NRXN1: variants seen among roughly 807,000 people sequenced by gnomAD.
The protein encoded by NRXN1 is neurexin-1.
NRXN1 carries 39 observed loss-of-function variants against 150.9 expected under a neutral mutation model. The ratio of observed to expected loss-of-function variants is 0.26; its 90% CI spans 0.20 to 0.34. The LOEUF (loss-of-function observed/expected upper bound fraction) is 0.34. Among genes scored for constraint, NRXN1 ranks in the 10% least tolerant of loss-of-function variants. The pLI, the probability that NRXN1 is intolerant of heterozygous loss-of-function variation, is 1.00. For synonymous variants in NRXN1, 924 were observed against 757.0 expected (o/e 1.22, Z -3.62); for missense variants, 1,815 against 1,949.9 (o/e 0.93, Z 1.30).
intron 5 of NRXN1, among the ~76,000 whole-genome samples, chr2:50,899,911 T>A (rs923851824): frequency 4.6e-5 from 7 of 152,188 alleles, no homozygotes; most frequent in African/African-American, 1.7e-4. Flanking sequence ...TACAGCAGTT[T>A]ATTAGACGTC....
At chr2:50,113,574 C>T (rs768254652) in intron 18 of NRXN1, among the ~76,000 whole-genome samples, 1 of 152,174 alleles carries the variant, frequency 6.6e-6, no homozygotes, top group Non-Finnish European at 1.5e-5. Context: ...ACATCTGTTC[C>T]ATAATCTAAT....
intron 15 of NRXN1, among the ~76,000 whole-genome samples, chr2:50,474,508 G>A (rs961821968): frequency 2.0e-5 from 3 of 151,534 alleles, no homozygotes; most frequent in Admixed American, 1.3e-4. Context: ...AAGGAGTAAT[G>A]CAAACCTCTG....
At chr2:50,020,701 G>C (rs1213524745) in intron 21 of NRXN1, among the ~76,000 whole-genome samples, 1 of 152,166 alleles carries the variant, frequency 6.6e-6, no homozygotes, top group African/African-American at 2.4e-5. Context: ...GGTAGAGCTA[G>C]CCTGTGTTGG....
intron 5 of NRXN1, among the ~76,000 whole-genome samples, chr2:50,763,678 G>A (rs1167006611): frequency 6.6e-6 from 1 of 151,832 alleles, no homozygotes; most frequent in African/African-American, 2.4e-5. Context: ...TTTCTAGCAC[G>A]TGGCAGAGTA....
chr2:50,365,116 TTTC>T (rs1421757006), intron 17 of NRXN1, among the ~76,000 whole-genome samples: 1 of 152,126 alleles, frequency 6.6e-6, no homozygotes, highest in African/African-American at 2.4e-5. Context: ...AAGCTTTTTT[TTTC>T]TTTTTTTCAG....
chr2:50,865,580 ATGTGTGTGTGTGTG>A (rs112867077), intron 5 of NRXN1, among the ~76,000 whole-genome samples: 19 of 130,774 alleles, frequency 1.5e-4, no homozygotes, highest in South Asian at 5.2e-4. Flanking sequence ...AAATATATAA[ATGTGTGTGTGTGTG>A]TGTGTGTGTG....
At chr2:50,313,821 C>G (rs1320771041) in intron 17 of NRXN1, among the ~76,000 whole-genome samples, 4 of 152,028 alleles carry the variant, frequency 2.6e-5, no homozygotes, top group Non-Finnish European at 5.9e-5. Flanking sequence ...AGACAAATGT[C>G]TCGTGTTTTC....
At chr2:50,453,081 T>A (rs1573030304) in intron 17 of NRXN1, among the ~76,000 whole-genome samples, 1 of 152,332 alleles carries the variant, frequency 6.6e-6, no homozygotes, top group East Asian at 1.9e-4. Context: ...TGCCATGATG[T>A]TCTATTTACA....
chr2:50,153,025 T>A lies in NRXN1; in HGVS notation c.3547-61531A>T, dbSNP rs149547116. ...TTACTTTTCTCCAATCATTTTTTAC[T>A]TTCTGTTCCTCAGACTCAGTAATTT... On this transcript the variant is annotated intron_variant, in intron 18 of 22. Transcript: ENST00000401669. 8.9e-4 allele frequency among the ~76,000 whole-genome samples: 135 copies of A among 151,858 alleles called. 1 individual carries two copies. The highest frequency in any genetic ancestry group is 3.2e-3 in the African/African-American group (131 of 41,510).
intron 11 of NRXN1, 177 bp from the exon 12 acceptor site, chr2:50,528,828 A>T (rs1053765842): frequency 2.0e-6 from 1 of 497,994 alleles, no homozygotes. Context: ...AAAGTTTACC[A>T]TTGGAAACAA....
intron 21 of NRXN1, among the ~76,000 whole-genome samples, chr2:49,950,697 C>T (rs1673779442): frequency 6.6e-6 from 1 of 151,914 alleles, no homozygotes. Flanking sequence ...ATTTACAATT[C>T]ACCAATAGCA....
At chr2:50,262,237 ATTCT>A (rs1348669127) in intron 17 of NRXN1, among the ~76,000 whole-genome samples, 2 of 151,934 alleles carry the variant, frequency 1.3e-5, no homozygotes, top group Non-Finnish European at 2.9e-5. Flanking sequence ...TTGCCTAGCA[ATTCT>A]TTCTATGATT....
chr2:50,139,609 A>C (rs961871274), intron 18 of NRXN1, among the ~76,000 whole-genome samples: 18 of 152,154 alleles, frequency 1.2e-4, no homozygotes, highest in African/African-American at 4.1e-4. Flanking sequence ...GAAAAAACAA[A>C]ACAAAACAAA....
At chr2:50,689,650 C>A (rs1002247263) in intron 5 of NRXN1, among the ~76,000 whole-genome samples, 2 of 152,112 alleles carry the variant, frequency 1.3e-5, no homozygotes, top group Non-Finnish European at 2.9e-5. Flanking sequence ...CTTTAGGTAG[C>A]AAAAGAGGGA....
chr2:50,219,169 C>G (rs147088800), intron 18 of NRXN1, among the ~76,000 whole-genome samples: 1 of 152,076 alleles, frequency 6.6e-6, no homozygotes, highest in African/African-American at 2.4e-5. Flanking sequence ...TTGCAGATGA[C>G]AAACAGGTAC....
Position 50,459,253 on chromosome 2 carries a change from G to GT in NRXN1, c.3364+6188dup, listed in dbSNP as rs1257893155. 2.0e-5 allele frequency among the ~76,000 whole-genome samples: 3 copies of GT among 152,232 alleles called. No homozygotes were observed. In the East Asian group the frequency reaches 5.8e-4, roughly 29 times the overall value. The stretch of plus-strand genomic sequence containing the variant: ...AATTTGATTTCATAAAGTGGGAGAA[G>GT]TATTTAACCGTTTGCTCTCTTCAAA... On this transcript the variant is annotated intron_variant, in intron 17 of 22. Coordinates refer to ENST00000401669, the MANE Select transcript of NRXN1 (RefSeq NM_001330078.2).
chr2:50,159,709 G>A (rs2059244797), intron 18 of NRXN1, among the ~76,000 whole-genome samples: 1 of 152,040 alleles, frequency 6.6e-6, no homozygotes, highest in Admixed American at 6.6e-5. Context: ...TGCATAGAAA[G>A]GGCTGTGAAA....
At chr2:50,550,282 A>C (rs111251899) in intron 9 of NRXN1, among the ~76,000 whole-genome samples, 7,156 of 151,782 alleles carry the variant, frequency 0.047, 539 homozygotes, top group African/African-American at 0.16. Flanking sequence ...GCTGGAGTGC[A>C]ATGGTATGAT....
At chr2:50,800,747 A>C (rs1029069237) in intron 5 of NRXN1, among the ~76,000 whole-genome samples, 3 of 152,026 alleles carry the variant, frequency 2.0e-5, no homozygotes, top group Non-Finnish European at 4.4e-5. Flanking sequence ...ACGGGGTTTC[A>C]CCATGTTGGT....
Sources: allele counts gnomAD v4.1 joint callset (sites outside exome capture counted in the v4.1 genomes callset), GRCh38; gene constraint gnomAD v4.1.1; transcripts MANE v1.5; gene names NCBI Gene and HGNC (gene_info 2026-07-23, HGNC 2026-07-21).